The following CTNNA2 variants were observed in gnomAD, a reference collection of about 807,000 sequenced individuals.
CTNNA2 encodes catenin alpha-2.
A neutral mutation model predicts 101.0 loss-of-function variants in CTNNA2; 42 were observed. The ratio of observed to expected loss-of-function variants is 0.42; its 90% confidence interval spans 0.32 to 0.54. The LOEUF (loss-of-function observed/expected upper bound fraction) is 0.54. Among genes scored for constraint, CTNNA2 ranks in the 20% least tolerant of loss-of-function variants. CTNNA2 has a pLI of 0.14. For missense variants in CTNNA2, 871 were observed against 1,223.1 expected, an observed-to-expected ratio of 0.71 and a Z score of 4.29; for synonymous variants, 450 against 456.4, an observed-to-expected ratio of 0.99 and a Z score of 0.18.
chr2:79,602,863 A>G (rs1677636676), intron 1 of CTNNA2, among the ~76,000 whole-genome samples: 1 of 152,158 alleles, frequency 6.6e-6, no homozygotes, highest in Non-Finnish European at 1.5e-5. Context: ...AAATCAATAT[A>G]GTAAAGATGT....
At chr2:79,881,066 T>C (rs537908051) in intron 6 of CTNNA2, among the ~76,000 whole-genome samples, 17 of 152,192 alleles carry the variant, frequency 1.1e-4, no homozygotes, top group Non-Finnish European at 2.4e-4. Flanking sequence ...TTAATTTCAT[T>C]ATTTACCCAG....
intron 2 of CTNNA2, among the ~76,000 whole-genome samples, chr2:79,229,700 G>A (rs1674465333): frequency 6.6e-6 from 1 of 152,142 alleles, no homozygotes; most frequent in South Asian, 2.1e-4. Context: ...CAGTTTGGAG[G>A]GCTCAGAGGA....
chr2:79,192,525 G>C (rs992487642), intron 1 of CTNNA2, among the ~76,000 whole-genome samples: 44 of 152,242 alleles, frequency 2.9e-4, no homozygotes, highest in African/African-American at 1.1e-3. Flanking sequence ...GCATAACCAA[G>C]TGTTGCCTAT....
chr2:80,211,356 T>C (rs1413741264), intron 7 of CTNNA2, among the ~76,000 whole-genome samples: 2 of 152,134 alleles, frequency 1.3e-5, no homozygotes, highest in Non-Finnish European at 2.9e-5. Flanking sequence ...TTAGGTCTAA[T>C]ATTTAAGTCT....
chr2:79,544,664 G>A (rs1673624058), intron 1 of CTNNA2, among the ~76,000 whole-genome samples: 1 of 152,130 alleles, frequency 6.6e-6, no homozygotes, highest in Non-Finnish European at 1.5e-5. Flanking sequence ...TTTTCTTGGT[G>A]ACACAAAGAA....
At chr2:79,715,574 TA>T (rs1338806412) in intron 2 of CTNNA2, among the ~76,000 whole-genome samples, 1 of 151,944 alleles carries the variant, frequency 6.6e-6, no homozygotes, top group African/African-American at 2.4e-5. Context: ...CATATAAGGG[TA>T]AGCAATGGAT....
chr2:79,335,068 C>G (rs890702997), intron 3 of CTNNA2, among the ~76,000 whole-genome samples: 1 of 152,158 alleles, frequency 6.6e-6, no homozygotes, highest in Non-Finnish European at 1.5e-5. Context: ...TACTTCTTCC[C>G]CTGTTTAGTT....
intron 9 of CTNNA2, among the ~76,000 whole-genome samples, chr2:80,505,377 C>T (rs547706732): frequency 3.9e-5 from 6 of 152,004 alleles, no homozygotes; most frequent in South Asian, 2.1e-4. Flanking sequence ...GAGTAACTAA[C>T]GTACATTGTG....
chr2:80,459,720 A>G (rs541188931), intron 9 of CTNNA2, among the ~76,000 whole-genome samples: 173 of 152,240 alleles, frequency 1.1e-3, no homozygotes, highest in African/African-American at 3.8e-3. Context: ...GCTATTCTGT[A>G]CTTCTGACAA....
chr2:79,892,603 T>G (rs1684388064), intron 6 of CTNNA2, among the ~76,000 whole-genome samples: 1 of 152,208 alleles, frequency 6.6e-6, no homozygotes, highest in Non-Finnish European at 1.5e-5. Flanking sequence ...ATAGGGCACT[T>G]GTATTTTATC....
chr2:80,069,702 G>A (rs1698204152), intron 7 of CTNNA2, among the ~76,000 whole-genome samples: 2 of 152,180 alleles, frequency 1.3e-5, no homozygotes, highest in Admixed American at 1.3e-4. Context: ...CTTAATATAT[G>A]TACGTGTGTG....
At chr2:80,301,241 G>A (rs927471057) in intron 7 of CTNNA2, among the ~76,000 whole-genome samples, 7 of 152,334 alleles carry the variant, frequency 4.6e-5, no homozygotes, top group African/African-American at 1.7e-4. Flanking sequence ...GCTTGCTGCA[G>A]TCTTAGCAAT....
At chr2:79,653,930 C>T (rs554192882) in intron 2 of CTNNA2, among the ~76,000 whole-genome samples, 6 of 152,224 alleles carry the variant, frequency 3.9e-5, no homozygotes, top group African/African-American at 1.4e-4. Context: ...CTCTTTTCTC[C>T]GGTTTCCAAT....
intron 7 of CTNNA2, among the ~76,000 whole-genome samples, chr2:80,084,899 G>A (rs188859296): frequency 6.6e-6 from 1 of 152,178 alleles, no homozygotes; most frequent in East Asian, 1.9e-4. Flanking sequence ...ACATAGCACT[G>A]AACTATGACG....
At chr2:79,806,867 T>C (rs943877573) in intron 3 of CTNNA2, among the ~76,000 whole-genome samples, 3 of 152,090 alleles carry the variant, frequency 2.0e-5, no homozygotes, top group African/African-American at 7.2e-5. Flanking sequence ...TCAGTAAAGG[T>C]CTGATCAAGC....
chr2:79,390,200 G>A (rs976764059), intron 4 of CTNNA2, among the ~76,000 whole-genome samples: 7 of 152,068 alleles, frequency 4.6e-5, no homozygotes, highest in African/African-American at 1.7e-4. Flanking sequence ...GCAGCACTTT[G>A]CATTTCTCTT....
intron 3 of CTNNA2, among the ~76,000 whole-genome samples, chr2:79,352,263 A>G (rs966367896): frequency 1.1e-4 from 17 of 151,954 alleles, no homozygotes; most frequent in Non-Finnish European, 1.0e-4. Flanking sequence ...CAGTTTCAGA[A>G]CTGTTATTGG....
chr2:79,329,255 G>A (rs542339228), intron 3 of CTNNA2, among the ~76,000 whole-genome samples: 16 of 152,154 alleles, frequency 1.1e-4, no homozygotes, highest in South Asian at 4.2e-4. Context: ...ATCCTTTTCC[G>A]GAGCACAGTT....
chr2:80,117,806 C>T (rs1469446647), intron 7 of CTNNA2, among the ~76,000 whole-genome samples: 1 of 152,160 alleles, frequency 6.6e-6, no homozygotes, highest in Non-Finnish European at 1.5e-5. Flanking sequence ...CAGCTTACAA[C>T]ACATAGTTTG....
Sources: gnomAD v4.1 joint callset for allele counts (sites outside exome capture counted in the v4.1 genomes callset) on GRCh38, gnomAD v4.1.1 for gene constraint, MANE v1.5 for transcripts, NCBI Gene and HGNC (gene_info 2026-07-23, HGNC 2026-07-21) for gene names.